The following SLC5A11 variants were observed in gnomAD, a reference collection of about 807,000 sequenced individuals.
The protein encoded by SLC5A11 is solute carrier family 5 member 11.
Under a neutral mutation model 69.8 loss-of-function variants are expected in SLC5A11, and 48 were observed. That is an observed-to-expected ratio of 0.69 (90% CI 0.55 to 0.87). The LOEUF (loss-of-function observed/expected upper bound fraction) is 0.87, where lower values mean the gene tolerates loss of function less well. Ranked by LOEUF, SLC5A11 falls within the 40% of genes least tolerant of loss-of-function variation. SLC5A11 has a pLI of 0.00. For missense variants in SLC5A11, 784 were observed against 866.1 expected (o/e 0.91, Z 1.19); for synonymous variants, 319 against 342.4 (o/e 0.93, Z 0.75).
chr16:24,901,735 G>T (rs1368069284), intron 10 of SLC5A11, among the ~76,000 whole-genome samples: 1 of 151,988 alleles, frequency 6.6e-6, no homozygotes, highest in African/African-American at 2.4e-5. Flanking sequence ...AAGACTACAG[G>T]ATCCTTGCTG....
At chr16:24,890,584 ATT>A (rs1378950303) in intron 8 of SLC5A11, among the ~76,000 whole-genome samples, 4 of 151,816 alleles carry the variant, frequency 2.6e-5, no homozygotes, top group Non-Finnish European at 5.9e-5. Context: ...AGATACATTC[ATT>A]ACTTTGTGAC....
Position 24,907,015 on chromosome 16 carries a change from C to A in SLC5A11, c.1115-10C>A. ...AGGACCGAGGCCCATGACCTCCCTT[C>A]CGCCCCCAGGGCTCCGTGGGCTGAT... On this transcript the variant is annotated splice_polypyrimidine_tract_variant and intron_variant, in intron 11 of 15. Coordinates refer to ENST00000347898, the Ensembl canonical transcript of SLC5A11. The A allele has an allele frequency of 6.2e-7, 1 of 1,613,026 alleles. No individual in the cohort carries two copies. Among genetic ancestry groups the A allele is most frequent in the Non-Finnish European group, 8.5e-7 (1 of 1,179,424 alleles).
intron 8 of SLC5A11, among the ~76,000 whole-genome samples, chr16:24,888,221 AGT>A (rs2048516771): frequency 6.6e-6 from 1 of 152,182 alleles, no homozygotes; most frequent in Admixed American, 6.6e-5. Context: ...CATTAGGAAA[AGT>A]GTAAATTTTT....
chr16:24,866,614 G>A (rs1348286502), intron 3 of SLC5A11, among the ~76,000 whole-genome samples: 1 of 149,900 alleles, frequency 6.7e-6, no homozygotes, highest in Admixed American at 6.7e-5. Flanking sequence ...GAAAGTAAAA[G>A]TAAAAGGATG....
intron 8 of SLC5A11, among the ~76,000 whole-genome samples, chr16:24,885,717 G>A (rs1052090171): frequency 1.4e-5 from 2 of 144,814 alleles, no homozygotes; most frequent in African/African-American, 5.1e-5. Context: ...ACAGAAAAGC[G>A]AAAGGGATCA....
Position 24,906,656 on chromosome 16 carries a change from G to C in SLC5A11, c.1007-1G>C, listed in dbSNP as rs1042187485. ...CCTCTGGGCCTGTGTTTCCTTCGTAGATCAAGTGGCCTGTGCAGATCCAGA... is the reference window on the plus strand; with the variant it reads ...CCTCTGGGCCTGTGTTTCCTTCGTACATCAAGTGGCCTGTGCAGATCCAGA... On this transcript the variant is annotated splice_acceptor_variant, in intron 10 of 15. Coordinates refer to ENST00000347898, the Ensembl canonical transcript of SLC5A11. LOFTEE classifies it high-confidence loss of function. 6.2e-7 allele frequency: 1 copy of C among 1,601,434 alleles called. No individual in the cohort carries two copies. The highest frequency in any genetic ancestry group is 1.7e-5 in the Admixed American group (1 of 58,514).
chr16:24,884,513 GTTTTTTTTT>G (rs10572531), intron 8 of SLC5A11, among the ~76,000 whole-genome samples: 1 of 110,272 alleles, frequency 9.1e-6, no homozygotes, highest in African/African-American at 3.3e-5. Context: ...TTTTTATTTT[GTTTTTTTTT>G]TTTTTTTTTG....
Position 24,906,735 on chromosome 16 carries a change from C to T in SLC5A11, c.1085C>T (p.Pro362Leu), listed in dbSNP as rs1289737784. The change falls in exon 11 of 16, where the codon CCC becomes CTC. Residue 362 changes from proline to leucine, a missense_variant. By Grantham distance (98) the Pro-to-Leu change is moderately conservative. Transcript: ENST00000347898. The stretch of plus-strand genomic sequence containing the variant: ...TCAGGCTGTTCGGACATCGCGTATC[C>T]CAAACTCGTGCTGGAACTCCTGCCC... 3 of 1,613,294 alleles carry T rather than the reference C, an allele frequency of 1.9e-6. No individual in the cohort carries two copies. The South Asian group carries it at 3.3e-5, about 18-fold the overall frequency.
At chr16:24,897,988 G>A (rs144367553) in exon 10 of SLC5A11, 7 of 1,614,042 alleles carry the variant, frequency 4.3e-6, no homozygotes, top group Non-Finnish European at 5.9e-6. Flanking sequence ...TTGTCCAGCG[G>A]ACTCTGGCTG....
intron 1 of SLC5A11, among the ~76,000 whole-genome samples, chr16:24,853,213 C>T (rs990676371): frequency 9.9e-5 from 15 of 151,822 alleles, no homozygotes; most frequent in Admixed American, 6.6e-4. Context: ...GAGCTTGGCA[C>T]CCAGATGGTG....
At chr16:24,893,320 C>T (rs1024741248) in intron 9 of SLC5A11, among the ~76,000 whole-genome samples, 42 of 127,412 alleles carry the variant, frequency 3.3e-4, no homozygotes, top group Middle Eastern at 4.0e-3. Flanking sequence ...TTAATTATGC[C>T]GGGCACAGTG....
At chr16:24,907,981 G>C in exon 13 of SLC5A11, 1 of 1,614,116 alleles carries the variant, frequency 6.2e-7, no homozygotes, top group Non-Finnish European at 8.5e-7. Context: ...TGCTGCTGCT[G>C]GTCCTGGTCT....
chr16:24,894,154 G>T (rs1467462221), intron 9 of SLC5A11, among the ~76,000 whole-genome samples: 1 of 152,142 alleles, frequency 6.6e-6, no homozygotes, highest in Non-Finnish European at 1.5e-5. Context: ...CTGGTGGGGG[G>T]ATTCACACCT....
intron 8 of SLC5A11, among the ~76,000 whole-genome samples, chr16:24,890,345 A>G (rs1013058676): frequency 3.3e-5 from 5 of 151,956 alleles, no homozygotes; most frequent in Admixed American, 2.6e-4. Context: ...TTGGCCAGGC[A>G]TGGTGGCACA....
chr16:24,864,124 A>G (rs982312280), intron 3 of SLC5A11, among the ~76,000 whole-genome samples: 1 of 152,220 alleles, frequency 6.6e-6, no homozygotes, highest in Non-Finnish European at 1.5e-5. Flanking sequence ...TGAGATGCAC[A>G]TAGGGTGCTT....
chr16:24,852,064 C>T (rs565383690), intron 1 of SLC5A11, among the ~76,000 whole-genome samples: 4 of 150,206 alleles, frequency 2.7e-5, no homozygotes, highest in East Asian at 2.0e-4. Flanking sequence ...TCTGGAAATA[C>T]GCCTGCACTC....
intron 9 of SLC5A11, among the ~76,000 whole-genome samples, chr16:24,895,375 G>C (rs2049084836): frequency 6.6e-6 from 1 of 151,932 alleles, no homozygotes; most frequent in Non-Finnish European, 1.5e-5. Flanking sequence ...TGTAATCCCA[G>C]CTACTTGGGA....
chr16:24,860,776 G>T (rs1404232172), intron 2 of SLC5A11, among the ~76,000 whole-genome samples: 3 of 152,034 alleles, frequency 2.0e-5, no homozygotes, highest in African/African-American at 7.3e-5. Context: ...TGCAATCTCA[G>T]CTCACTGCAA....
chr16:24,857,307 A>G (rs1261662721), intron 1 of SLC5A11, among the ~76,000 whole-genome samples: 1 of 152,222 alleles, frequency 6.6e-6, no homozygotes, highest in Non-Finnish European at 1.5e-5. Flanking sequence ...GTGGAGTTGC[A>G]TCTTAACACA....
Sources: allele counts gnomAD v4.1 joint callset (sites outside exome capture counted in the v4.1 genomes callset), GRCh38; gene constraint gnomAD v4.1.1; transcripts MANE v1.5; gene names NCBI Gene and HGNC (gene_info 2026-07-23, HGNC 2026-07-21).